Variants in ZNF536 observed in about 807,000 individuals in gnomAD.
ZNF536 encodes zinc finger protein 536.
ZNF536 carries 13 observed loss-of-function variants against 84.5 expected under a neutral mutation model. That is an observed-to-expected ratio of 0.15 (90% CI 0.10 to 0.24). ZNF536 has a LOEUF of 0.24. Ranked by LOEUF, ZNF536 falls within the 10% of genes least tolerant of loss-of-function variation. The probability of loss-of-function intolerance (pLI) is 1.00; values close to 1 mark genes in which losing one functional copy is unlikely to be tolerated. For synonymous variants in ZNF536, 811 were observed against 742.5 expected (o/e 1.09, Z -1.50); for missense variants, 1,536 against 1,747.5 (o/e 0.88, Z 2.16).
At chr19:30,490,437 CAG>C (rs999941687) in intron 2 of ZNF536, among the ~76,000 whole-genome samples, 3 of 152,132 alleles carry the variant, frequency 2.0e-5, no homozygotes, top group African/African-American at 7.2e-5. Context: ...GATGAGAACA[CAG>C]GGGTCTGAGG....
At chr19:30,575,523 A>G (rs1330975204) in intron 1 of ZNF536, among the ~76,000 whole-genome samples, 2 of 152,214 alleles carry the variant, frequency 1.3e-5, no homozygotes, top group East Asian at 3.9e-4. Flanking sequence ...CATCCAGCAA[A>G]TATTTCCTGA....
rs763858823 is a variant in ZNF536 at position 30,443,739 on chromosome 19, G to A, written c.177G>A (p.Lys59=). The A allele has an allele frequency of 3.7e-6, 6 of 1,612,944 alleles. No homozygotes were observed. In the South Asian group the frequency reaches 6.6e-5, roughly 18 times the overall value. The change falls in exon 2 of 5, where the codon AAG becomes AAA. Residue 59 remains lysine, a synonymous_variant. Transcript: ENST00000355537. ...ELHPRPNPEE[K]PPASLEEKAH... is the part of the protein sequence containing the mutation. ...ATCCCCGGCCCAACCCCGAGGAGAA[G>A]CCCCCCGCATCCCTGGAGGAGAAGG...
chr19:30,647,679 A>T lies in ZNF536; in HGVS notation c.170-63078A>T, dbSNP rs532054086. Among the ~76,000 whole-genome samples the T allele has an allele frequency of 2.0e-5, 3 of 152,338 alleles. No individual in the cohort carries two copies. The South Asian group carries it at 6.2e-4, about 32-fold the overall frequency. ...CTATGTATGCCTCCTTGTGTTTTTT[A>T]AAAGAGCATTATAAACCCAGTTCCA... is the stretch of plus-strand genomic sequence containing the variant. On this transcript the variant is annotated intron_variant, in intron 1 of 1. Transcript: ENST00000592773.
chr19:30,296,115 G>A (rs933953066), intron 2 of ZNF536: 7 of 152,218 alleles, frequency 4.6e-5, no homozygotes, highest in African/African-American at 1.2e-4. Flanking sequence ...TAATTCTGTA[G>A]TGACCTCATA....
intron 2 of ZNF536, among the ~76,000 whole-genome samples, chr19:30,313,358 A>G (rs1364758111): frequency 6.6e-6 from 1 of 152,122 alleles, no homozygotes; most frequent in Non-Finnish European, 1.5e-5. Context: ...AACCCCTAGA[A>G]AATCTACTAG....
At chr19:30,320,385 G>C (rs73018844) in intron 2 of ZNF536, among the ~76,000 whole-genome samples, 2,145 of 152,296 alleles carry the variant, frequency 0.014, 16 homozygotes, top group Non-Finnish European at 0.021. Context: ...TTTAATCAGG[G>C]TCTTTGGGCT....
chr19:30,658,712 C>T (rs983401767), intron 1 of ZNF536, among the ~76,000 whole-genome samples: 9 of 152,104 alleles, frequency 5.9e-5, no homozygotes, highest in Non-Finnish European at 1.2e-4. Context: ...TTGACTTCTT[C>T]CTCTTTTTTT....
intron 1 of ZNF536, among the ~76,000 whole-genome samples, chr19:30,621,471 C>G (rs1568610657): frequency 6.6e-6 from 1 of 152,068 alleles, no homozygotes; most frequent in Non-Finnish European, 1.5e-5. Flanking sequence ...ATCAAGCATC[C>G]TTTTTTTCTC....
chr19:30,445,335 G>C lies in ZNF536; in HGVS notation c.1773G>C (p.Gln591His), dbSNP rs1273859689. The change falls in exon 2 of 5, where the codon CAG becomes CAC. Residue 591 changes from glutamine to histidine, a missense_variant. This residue lies in a region of ZNF536 where 366 missense variants were observed against 364.4 expected (regional missense o/e 1.00). Transcript: ENST00000355537. The surrounding 1 kb of genome is among the most constrained non-coding windows in gnomAD (Gnocchi z 4.5). ...TTCACAGCACTAAAGTGGGCAGCCA[G>C]AGAGACCTGCCAAGTAAGCTCGACC... ...DLVHSTKVGS[Q>H]RDLPSKLDPL... The C allele has an allele frequency of 5.0e-6, 8 of 1,614,088 alleles. No individual in the cohort carries two copies. The African/African-American group carries it at 9.3e-5, about 19-fold the overall frequency.
intron 2 of ZNF536, among the ~76,000 whole-genome samples, chr19:30,524,640 A>G (rs1281467034): frequency 1.3e-5 from 2 of 152,220 alleles, no homozygotes. Context: ...AGATTGGTCC[A>G]GTTTGTTCCT....
Position 30,557,245 on chromosome 19 carries a change from G to A in ZNF536, c.*81G>A, listed in dbSNP as rs374051474. On this transcript the variant is annotated 3_prime_UTR_variant, in exon 5 of 5. Transcript: ENST00000355537. The stretch of plus-strand genomic sequence containing the variant: ...GGTGGTTATCTGCAGCTTGTTAATC[G>A]TGTAAAGTCAAGAGAAGAATGTATA... 8.0e-5 allele frequency: 121 copies of A among 1,508,384 alleles called. 1 individual carries two copies. In the East Asian group the frequency reaches 1.8e-3, roughly 23 times the overall value. The allele number at this position is 1,508,384 out of a possible 1,614,324, so 93.4% of individuals were successfully genotyped here.
Position 30,366,093 on chromosome 19 carries a change from G to A in ZNF536, c.-3+13609G>A, listed in dbSNP as rs190617690. ...CGCCGAACCCCTGAGGAAGCCCCAC[G>A]TGAACTCCTCCAGCCCACAGTAAGT... is the stretch of plus-strand genomic sequence containing the variant. On this transcript the variant is annotated intron_variant, in intron 3 of 5. Coordinates refer to the ZNF536 transcript ENST00000585628. 7.2e-5 allele frequency among the ~76,000 whole-genome samples: 11 copies of A among 152,204 alleles called. No homozygotes were observed. In the East Asian group the frequency reaches 1.4e-3, roughly 19 times the overall value.
intron 1 of ZNF536, among the ~76,000 whole-genome samples, chr19:30,396,982 A>G (rs1412617202): frequency 6.6e-6 from 1 of 151,716 alleles, no homozygotes; most frequent in Non-Finnish European, 1.5e-5. Context: ...CTCTTCTTAC[A>G]CTCCAGCTTT....
At chr19:30,284,108 C>G (rs910947325) in exon 2 of ZNF536, 1 of 152,176 alleles carries the variant, frequency 6.6e-6, no homozygotes, top group Non-Finnish European at 1.5e-5. Flanking sequence ...ATCCTTCAAC[C>G]GGGAGGGAGA....
chr19:30,441,541 C>CA (rs1194310537), intron 1 of ZNF536, among the ~76,000 whole-genome samples: 5 of 152,184 alleles, frequency 3.3e-5, no homozygotes, highest in Non-Finnish European at 7.3e-5. Context: ...TAGGGACTGG[C>CA]ACATGGAAGG....
At chr19:30,582,264 G>A (rs370873153) in intron 1 of ZNF536, among the ~76,000 whole-genome samples, 2 of 152,154 alleles carry the variant, frequency 1.3e-5, no homozygotes, top group East Asian at 3.9e-4. Context: ...CTACTGCCAA[G>A]GGAGCCTGTG....
At chr19:30,421,997 A>T (rs2050980415) in intron 1 of ZNF536, among the ~76,000 whole-genome samples, 1 of 152,342 alleles carries the variant, frequency 6.6e-6, no homozygotes, top group Non-Finnish European at 1.5e-5. Flanking sequence ...AAAGTAAAAA[A>T]TAGTGAATTA....
At chr19:30,489,479 A>G (rs2054424203) in intron 2 of ZNF536, among the ~76,000 whole-genome samples, 1 of 152,058 alleles carries the variant, frequency 6.6e-6, no homozygotes, top group Non-Finnish European at 1.5e-5. Context: ...CTGCTAGGGA[A>G]GGTGAGGTGG....
chr19:30,652,415 CCACTAAATGT>C (rs1248825624), intron 1 of ZNF536, among the ~76,000 whole-genome samples: 3 of 152,276 alleles, frequency 2.0e-5, no homozygotes, highest in Middle Eastern at 3.4e-3. Flanking sequence ...CAGACTGACA[CCACTAAATGT>C]CGTGAATGGA....
Sources: allele counts gnomAD v4.1 joint callset (sites outside exome capture counted in the v4.1 genomes callset), GRCh38; gene constraint gnomAD v4.1.1; regional missense constraint gnomAD v4.1.1; non-coding constraint Gnocchi (gnomAD v3.1); transcripts MANE v1.5; gene names NCBI Gene and HGNC (gene_info 2026-07-23, HGNC 2026-07-21).